The following UNC13B variants were observed in gnomAD, a reference collection of about 807,000 sequenced individuals.
UNC13B encodes the protein unc-13 homolog B.
UNC13B carries 144 observed loss-of-function variants against 211.0 expected under a neutral mutation model. That is an observed-to-expected ratio of 0.68 (90% CI 0.60 to 0.78). The LOEUF (loss-of-function observed/expected upper bound fraction) is 0.78. Ranked by LOEUF, UNC13B falls within the 30% of genes least tolerant of loss-of-function variation. UNC13B has a pLI of 0.00. For synonymous variants in UNC13B, 709 were observed against 725.8 expected (o/e 0.98, Z 0.37); for missense variants, 1,777 against 2,002.0 (o/e 0.89, Z 2.14).
At position 35,396,893 on chromosome 9, in the gene UNC13B, C is replaced by T. The variant is rs778277372; in HGVS notation, c.11488C>T (p.Leu3830=). The part of the protein sequence containing the change: ...QWLDENEDVS[L]EFLRGALERD... ...GCTGGATGAGAATGAGGATGTATCC[C>T]TGGAATTCCTGCGTGGGGCCCTGGA... The change falls in exon 28 of 40, where the codon CTG becomes TTG. Residue 3830 remains leucine, a synonymous_variant. Transcript: ENST00000635942. 8 of 1,614,152 alleles carry T rather than the reference C, an allele frequency of 5.0e-6. No homozygotes were observed. The highest frequency in any genetic ancestry group is 6.8e-6 in the Non-Finnish European group (8 of 1,180,018).
At position 35,405,002 on chromosome 9, in the gene UNC13B, A is replaced by G. The variant is rs949827882; in HGVS notation, c.*969A>G. 1.3e-5 allele frequency: 2 copies of G among 152,554 alleles called. No individual in the cohort carries two copies. Among genetic ancestry groups the G allele is most frequent in the African/African-American group, 4.8e-5 (2 of 41,418 alleles). 9.5% of individuals were successfully genotyped at this position (152,554 alleles called of 1,614,324 possible). A position where few individuals can be genotyped will look rare whatever the true frequency, so the allele number is the denominator to read the frequency against. On this transcript the variant is annotated 3_prime_UTR_variant, in exon 40 of 40. Transcript: ENST00000635942. ...CTCTCTCTCATCGGGGTCATTTGCT[A>G]TTCCCCTCTGATATTCAACCCTATA...
At chr9:35,357,578 G>GTTT (rs201402392) in intron 11 of UNC13B, among the ~76,000 whole-genome samples, 3 of 117,518 alleles carry the variant, frequency 2.6e-5, no homozygotes, top group African/African-American at 6.2e-5. Context: ...TTTTTTTATT[G>GTTT]TTTTTTTTTT....
intron 13 of UNC13B, chr9:35,371,828 C>G (rs944233246): frequency 6.5e-6 from 1 of 152,758 alleles, no homozygotes; most frequent in Admixed American, 6.5e-5. Context: ...GAAATGCTCC[C>G]TGCTTTGGAC....
chr9:35,193,741 T>C (rs1306441743), intron 1 of UNC13B, among the ~76,000 whole-genome samples: 2 of 151,502 alleles, frequency 1.3e-5, no homozygotes, highest in African/African-American at 4.9e-5. Flanking sequence ...TAAAATTTGG[T>C]TTTGGAGGAT....
At chr9:35,327,621 G>A (rs993591225) in intron 11 of UNC13B, among the ~76,000 whole-genome samples, 33 of 152,292 alleles carry the variant, frequency 2.2e-4, no homozygotes, top group Middle Eastern at 3.4e-3. Context: ...CATTGAGGGT[G>A]GGTCTTCCTC....
rs1265615915 is a variant in UNC13B, at chr9:35,246,447, T to A, written c.468+3083T>A. Among the ~76,000 whole-genome samples the A allele has an allele frequency of 5.3e-5, 8 of 152,338 alleles. No individual in the cohort carries two copies. The East Asian group carries it at 1.4e-3, about 26-fold the overall frequency. On this transcript the variant is annotated intron_variant, in intron 6 of 39. Transcript: ENST00000635942. ...GCCCATGCCTATGTCCTGAATGGTATCGCCTAGGTTTTCTTCTAGGGTTTT... is the reference window on the plus strand; with the variant it reads ...GCCCATGCCTATGTCCTGAATGGTAACGCCTAGGTTTTCTTCTAGGGTTTT...
At chr9:35,171,212 C>A (rs1821314639) in intron 1 of UNC13B, among the ~76,000 whole-genome samples, 1 of 152,098 alleles carries the variant, frequency 6.6e-6, no homozygotes, top group African/African-American at 2.4e-5. Context: ...AGAGATTCTC[C>A]TGCCTCAGCC....
At chr9:35,242,050 T>C (rs938464827) in intron 5 of UNC13B, among the ~76,000 whole-genome samples, 4 of 152,300 alleles carry the variant, frequency 2.6e-5, no homozygotes, top group African/African-American at 9.6e-5. Context: ...TGCCTGAGTG[T>C]TTCTCTTCAG....
chr9:35,249,278 C>T (rs548619554), intron 6 of UNC13B, among the ~76,000 whole-genome samples: 130 of 152,250 alleles, frequency 8.5e-4, no homozygotes, highest in African/African-American at 3.0e-3. Context: ...TTCCTGAGTA[C>T]AGCACATTGA....
Position 35,380,752 on chromosome 9 carries a change from G to C in UNC13B, c.10375+113G>C. ...TCCCCAAAGCATACCTCTATACAGA[G>C]CCTGTCTCACCTGCAAAGAACTGAC... is the stretch of plus-strand genomic sequence containing the variant. On this transcript the variant is annotated intron_variant, in intron 18 of 39. Transcript: ENST00000635942. 2.9e-6 allele frequency: 4 copies of C among 1,389,082 alleles called. No homozygotes were observed. The Middle Eastern group carries it at 9.4e-4, about 326-fold the overall frequency. 86.0% of individuals were successfully genotyped at this position (1,389,082 alleles called of 1,614,324 possible).
chr9:35,334,895 G>C (rs1009471377), intron 11 of UNC13B, among the ~76,000 whole-genome samples: 1 of 152,168 alleles, frequency 6.6e-6, no homozygotes, highest in Non-Finnish European at 1.5e-5. Flanking sequence ...AAAATTATCC[G>C]GGCTTGGTGG....
chr9:35,276,170 G>GT (rs1031385693), intron 7 of UNC13B, among the ~76,000 whole-genome samples: 8 of 151,916 alleles, frequency 5.3e-5, no homozygotes, highest in Non-Finnish European at 1.2e-4. Context: ...GCCTGGTGTG[G>GT]TGGTGTGTGC....
chr9:35,294,861 T>C (rs1314877736), intron 7 of UNC13B, among the ~76,000 whole-genome samples: 1 of 152,220 alleles, frequency 6.6e-6, no homozygotes, highest in African/African-American at 2.4e-5. Context: ...GTGTGGTCTT[T>C]TTAGTTAACT....
intron 2 of UNC13B, among the ~76,000 whole-genome samples, chr9:35,228,703 AGTGTGTGT>A (rs56971215): frequency 0.19 from 27,223 of 140,514 alleles, 2,730 homozygotes; most frequent in Admixed American, 0.28. Flanking sequence ...ACATCATGAA[AGTGTGTGT>A]GTGTGTGTGT....
chr9:35,287,373 C>T (rs1440151114), intron 7 of UNC13B, among the ~76,000 whole-genome samples: 1 of 152,050 alleles, frequency 6.6e-6, no homozygotes, highest in African/African-American at 2.4e-5. Flanking sequence ...CTCAGGTGAT[C>T]TGCCCACCTC....
intron 5 of UNC13B, among the ~76,000 whole-genome samples, chr9:35,241,712 G>T (rs1825825196): frequency 6.6e-6 from 1 of 152,118 alleles, no homozygotes; most frequent in Non-Finnish European, 1.5e-5. Context: ...ATATAGACCT[G>T]CAGCAGCAGC....
chr9:35,215,366 G>A (rs941752261), intron 1 of UNC13B, among the ~76,000 whole-genome samples: 1 of 152,158 alleles, frequency 6.6e-6, no homozygotes. Flanking sequence ...TCTCACCACT[G>A]TACTCCAGCC....
At chr9:35,333,221 G>A (rs910876352) in intron 11 of UNC13B, among the ~76,000 whole-genome samples, 1 of 152,184 alleles carries the variant, frequency 6.6e-6, no homozygotes, top group African/African-American at 2.4e-5. Context: ...CCTGATGCCT[G>A]GCACCCACTA....
In UNC13B at chr9:35,304,504, T is replaced by A. The variant is rs889407909; in HGVS notation, c.5100T>A (p.Asp1700Glu). The change falls in exon 9 of 40, where the codon GAT becomes GAA. Residue 1700 changes from aspartate to glutamate, a missense_variant. Transcript: ENST00000635942. ...VSSRDQIIER[D>E]KNQPLAEDSS... ...GCAGAGATCAAATTATAGAGAGAGA[T>A]AAAAACCAGCCTCTAGCTGAAGATT... is the stretch of plus-strand genomic sequence containing the variant. The A allele has an allele frequency of 2.5e-6, 1 of 398,530 alleles. No homozygotes were observed. The highest frequency in any genetic ancestry group is 4.4e-6 in the Non-Finnish European group (1 of 225,876). 24.7% of individuals were successfully genotyped at this position (398,530 alleles called of 1,614,324 possible). A position where few individuals can be genotyped will look rare whatever the true frequency, so the allele number is the denominator to read the frequency against.
Sources: gnomAD v4.1 joint callset for allele counts (sites outside exome capture counted in the v4.1 genomes callset) on GRCh38, gnomAD v4.1.1 for gene constraint, MANE v1.5 for transcripts, NCBI Gene and HGNC (gene_info 2026-07-23, HGNC 2026-07-21) for gene names.